The following ELL2 variants were observed in gnomAD, a reference collection of about 807,000 sequenced individuals.
ELL2 encodes RNA polymerase II elongation factor ELL2.
A neutral mutation model predicts 72.8 loss-of-function variants in ELL2; 21 were observed. The ratio of observed to expected loss-of-function variants is 0.29; its 90% confidence interval spans 0.20 to 0.42. The LOEUF (loss-of-function observed/expected upper bound fraction) is 0.42, where lower values mean the gene tolerates loss of function less well. ELL2 is among the 10% of genes least tolerant of loss of function. The probability of loss-of-function intolerance (pLI) is 1.00; values close to 1 mark genes in which losing one functional copy is unlikely to be tolerated. For missense variants in ELL2, 568 were observed against 772.8 expected (o/e 0.73, Z 3.14); for synonymous variants, 266 against 283.2 (o/e 0.94, Z 0.61).
chr5:95,893,371 G>A (rs1748738455), intron 9 of ELL2, among the ~76,000 whole-genome samples: 1 of 152,128 alleles, frequency 6.6e-6, no homozygotes, highest in South Asian at 2.1e-4. Context: ...ATTATTCAAA[G>A]GTTGATAATT....
At chr5:95,903,967 A>ACACCTAAC in intron 5 of ELL2, among the ~76,000 whole-genome samples, 1 of 152,274 alleles carries the variant, frequency 6.6e-6, no homozygotes, top group East Asian at 1.9e-4. Context: ...TTGTCTCCCT[A>ACACCTAAC]CACCTAACCG....
intron 2 of ELL2, among the ~76,000 whole-genome samples, chr5:95,920,538 T>C (rs1228088751): frequency 6.6e-6 from 1 of 151,768 alleles, no homozygotes; most frequent in African/African-American, 2.4e-5. Flanking sequence ...TCTACACTCT[T>C]GTTCAAGGGC....
chr5:95,899,460 T>TA (rs1749043484), intron 7 of ELL2, among the ~76,000 whole-genome samples: 1 of 152,014 alleles, frequency 6.6e-6, no homozygotes, highest in African/African-American at 2.4e-5. Flanking sequence ...TTAATTTTTT[T>TA]TTTTACCGTT....
intron 1 of ELL2, among the ~76,000 whole-genome samples, chr5:95,949,749 C>G (rs913657315): frequency 1.9e-4 from 29 of 150,608 alleles, no homozygotes; most frequent in Admixed American, 2.6e-4. Context: ...GGAACTTTGC[C>G]CAAAACAAAA....
intron 4 of ELL2, among the ~76,000 whole-genome samples, chr5:95,912,750 G>C (rs1749653088): frequency 6.6e-6 from 1 of 152,170 alleles, no homozygotes; most frequent in Admixed American, 6.5e-5. Flanking sequence ...CCAAGCCCCA[G>C]GAGCATTTGC....
At chr5:95,908,374 T>A (rs988581925) in intron 4 of ELL2, among the ~76,000 whole-genome samples, 2 of 152,030 alleles carry the variant, frequency 1.3e-5, no homozygotes, top group African/African-American at 4.8e-5. Flanking sequence ...ATTTGGGAGG[T>A]TCTGTGATTT....
At chr5:95,925,744 T>C (rs1346076797) in intron 2 of ELL2, among the ~76,000 whole-genome samples, 2 of 152,200 alleles carry the variant, frequency 1.3e-5, no homozygotes, top group Non-Finnish European at 1.5e-5. Flanking sequence ...TTAAACAAAA[T>C]AACTTTCTTT....
chr5:95,919,827 A>C (rs17085286), intron 2 of ELL2, among the ~76,000 whole-genome samples: 10,434 of 152,228 alleles, frequency 0.069, 813 homozygotes, highest in East Asian at 0.42. Context: ...TTCATTTCAA[A>C]GTAGCAAATG....
chr5:95,938,838 T>G (rs1750869675), intron 2 of ELL2, among the ~76,000 whole-genome samples: 1 of 152,186 alleles, frequency 6.6e-6, no homozygotes, highest in Non-Finnish European at 1.5e-5. Flanking sequence ...AAGAATAATA[T>G]TCTCATAACA....
intron 4 of ELL2, among the ~76,000 whole-genome samples, chr5:95,910,738 T>C (rs142018987): frequency 2.6e-5 from 4 of 152,260 alleles, no homozygotes; most frequent in African/African-American, 9.6e-5. Context: ...GGGATCAGCA[T>C]TATTCTCATT....
chr5:95,889,838 G>A (rs1046360666), intron 10 of ELL2, among the ~76,000 whole-genome samples: 1 of 145,618 alleles, frequency 6.9e-6, no homozygotes, highest in Non-Finnish European at 1.5e-5. Flanking sequence ...AACACACTTC[G>A]AAAGAATACA....
chr5:95,902,948 G>GTTTTTGTATTTTGTAT, intron 5 of ELL2, among the ~76,000 whole-genome samples: 1 of 151,698 alleles, frequency 6.6e-6, no homozygotes, highest in Non-Finnish European at 1.5e-5. Context: ...TGCCCGGCTA[G>GTTTTTGTATTTTGTAT]TTTTTGTATT....
In ELL2 at chr5:95,914,944, A is replaced by G. The variant is rs113616377; in HGVS notation, c.318-1010T>C. ...TGTTTCAAAGTAACATGTTAATATT[A>G]GGGGGATCATGGTCACAGTCATAAC... is the stretch of plus-strand genomic sequence containing the variant. On this transcript the variant is annotated intron_variant, in intron 3 of 11. Coordinates refer to ENST00000237853, the MANE Select transcript of ELL2 (RefSeq NM_012081.6). Among the ~76,000 whole-genome samples, 645 of 152,352 alleles carry G rather than the reference A, an allele frequency of 4.2e-3. 8 individuals carry two copies. The highest frequency in any genetic ancestry group is 0.015 in the African/African-American group (621 of 41,592).
At chr5:95,895,918 G>A (rs1485084332) in intron 8 of ELL2, among the ~76,000 whole-genome samples, 3 of 152,190 alleles carry the variant, frequency 2.0e-5, no homozygotes, top group African/African-American at 7.2e-5. Context: ...CCTGGCTACT[G>A]CAGTGTCTGC....
intron 5 of ELL2, among the ~76,000 whole-genome samples, chr5:95,901,912 C>T (rs907666350): frequency 6.6e-6 from 1 of 152,200 alleles, no homozygotes; most frequent in Non-Finnish European, 1.5e-5. Flanking sequence ...TGTGAGGTCT[C>T]ATCACGTTTC....
chr5:95,941,083 C>G (rs748347288), intron 2 of ELL2, among the ~76,000 whole-genome samples: 5 of 152,110 alleles, frequency 3.3e-5, no homozygotes, highest in Admixed American at 6.5e-5. Flanking sequence ...ACAGAATAAG[C>G]AAGGTAGGAT....
intron 3 of ELL2, 119 bp from the exon 4 acceptor site, chr5:95,914,053 T>A: frequency 2.5e-6 from 2 of 801,310 alleles, no homozygotes; most frequent in Non-Finnish European, 3.5e-6. Flanking sequence ...CTAAAATAAC[T>A]AATATTAATT....
intron 1 of ELL2, among the ~76,000 whole-genome samples, chr5:95,947,954 A>C (rs10052503): frequency 0.32 from 48,290 of 151,756 alleles, 9,012 homozygotes; most frequent in African/African-American, 0.53. Context: ...ATAATAAAAC[A>C]CTCATTTATG....
chr5:95,898,613 G>A lies in ELL2; in HGVS notation c.1152C>T (p.Pro384=). 1 of 1,613,578 alleles carries A rather than the reference G, an allele frequency of 6.2e-7. No homozygotes were observed. The highest frequency in any genetic ancestry group is 8.5e-7 in the Non-Finnish European group (1 of 1,179,664). The change falls in exon 8 of 12, where the codon CCC becomes CCT. Residue 384 remains proline (P), a synonymous_variant. Coordinates refer to ENST00000237853, the MANE Select transcript of ELL2 (RefSeq NM_012081.6). ...TPPPLPSTYL[P]ISHPPQIVNS... is the part of the protein sequence containing the mutation. ...TTACAATCTGAGGAGGATGTGAGATGGGCAGATAGGTTGAAGGCAGCGGTG... is the reference window on the plus strand; with the variant it reads ...TTACAATCTGAGGAGGATGTGAGATAGGCAGATAGGTTGAAGGCAGCGGTG...
Sources: gnomAD v4.1 joint callset for allele counts (sites outside exome capture counted in the v4.1 genomes callset) on GRCh38, gnomAD v4.1.1 for gene constraint, MANE v1.5 for transcripts, NCBI Gene and HGNC (gene_info 2026-07-23, HGNC 2026-07-21) for gene names.